The following KTN1 variants were observed in gnomAD, a reference collection of about 807,000 sequenced individuals.
KTN1 encodes the protein kinectin.
Under a neutral mutation model 222.5 loss-of-function variants are expected in KTN1, and 130 were observed. The observed-to-expected ratio is 0.58, with a 90% CI of 0.51 to 0.68. The LOEUF (loss-of-function observed/expected upper bound fraction) is 0.68, where lower values mean the gene tolerates loss of function less well. Ranked by LOEUF, KTN1 falls within the 30% of genes least tolerant of loss-of-function variation. The pLI is 0.00. For missense variants in KTN1, 1,508 were observed against 1,500.4 expected, an observed-to-expected ratio of 1.01 and a Z score of -0.08; for synonymous variants, 512 against 496.3, an observed-to-expected ratio of 1.03 and a Z score of -0.42.
chr14:55,671,261 A>G (rs2045423848), intron 35 of KTN1: 1 of 317,650 alleles, frequency 3.1e-6, no homozygotes, highest in Non-Finnish European at 5.7e-6. Context: ...CATGAATAAA[A>G]TCCTCTTTCC....
rs1351226965 is a variant in KTN1, at chr14:55,616,624, G to C, written c.631G>C (p.Ala211Pro). 2.5e-6 allele frequency: 4 copies of C among 1,597,988 alleles called. No homozygotes were observed. The Middle Eastern group carries it at 5.1e-4, about 202-fold the overall frequency. Residue 211 changes from alanine to proline, a missense_variant, in exon 3 of 44, where the codon GCT becomes CCT. Ala to Pro is a conservative substitution (Grantham distance 27). Coordinates refer to ENST00000395314, the MANE Select transcript of KTN1 (RefSeq NM_001079521.2). Reference protein sequence around the residue: ...KQESGSGKKKASSKKQKTENV... With the variant: ...KQESGSGKKKPSSKKQKTENV... ...AGAAAGTGGATCAGGGAAGAAGAAAGCTTCATCAAAGAAACAAAAGACAGA... is the reference window on the plus strand; with the variant it reads ...AGAAAGTGGATCAGGGAAGAAGAAACCTTCATCAAAGAAACAAAAGACAGA...
In KTN1 at chr14:55,672,941, C is replaced by A; in HGVS notation, c.3616C>A (p.Arg1206=). Residue 1206 remains arginine, a synonymous_variant, in exon 39 of 44, where the codon CGA becomes AGA. Coordinates refer to ENST00000395314, the MANE Select transcript of KTN1 (RefSeq NM_001079521.2). ...GTTGCATTGCTAGCTGAGAAGAGAA[C>A]GAGAACATTTGGAAATGGAACTAGA... ...NKDIENLRRE[R]EHLEMELEKA... is the part of the protein sequence containing the mutation. 5 of 1,612,622 alleles carry A rather than the reference C, an allele frequency of 3.1e-6. No homozygotes were observed. The highest frequency in any genetic ancestry group is 4.2e-6 in the Non-Finnish European group (5 of 1,178,926).
intron 43 of KTN1, chr14:55,682,414 TTA>T (rs917652145): frequency 1.1e-4 from 17 of 152,168 alleles, no homozygotes; most frequent in Non-Finnish European, 2.4e-4. Context: ...TATCTACTCT[TTA>T]TGTTTCACAT....
At chr14:55,607,278 G>T (rs1015485095) in intron 1 of KTN1, 2 of 152,112 alleles carry the variant, frequency 1.3e-5, no homozygotes, top group Non-Finnish European at 2.9e-5. Flanking sequence ...ATTAGTATTT[G>T]TAATACGTAC....
chr14:55,582,726 C>T (rs1044399874), intron 1 of KTN1, among the ~76,000 whole-genome samples: 4 of 152,038 alleles, frequency 2.6e-5, no homozygotes, highest in Non-Finnish European at 4.4e-5. Context: ...TGTTAATGAA[C>T]TTAAGTGGTT....
chr14:55,589,069 A>G (rs930913653), intron 1 of KTN1, among the ~76,000 whole-genome samples: 2 of 152,216 alleles, frequency 1.3e-5, no homozygotes, highest in African/African-American at 4.8e-5. Context: ...GGAATTATAC[A>G]TAAAATACAG....
intron 29 of KTN1, among the ~76,000 whole-genome samples, chr14:55,658,009 C>A (rs1261245758): frequency 6.6e-6 from 1 of 152,140 alleles, no homozygotes; most frequent in Non-Finnish European, 1.5e-5. Flanking sequence ...TTTCAGTAAG[C>A]TGTAACAATA....
At position 55,670,771 on chromosome 14, in the gene KTN1, G is replaced by A; in HGVS notation, c.3310G>A (p.Glu1104Lys). The change falls in exon 35 of 44, where the codon GAA (glutamate) becomes AAA (lysine). Residue 1104 changes from glutamate (E) to lysine (K), a missense_variant. Coordinates refer to ENST00000395314, the MANE Select transcript of KTN1 (RefSeq NM_001079521.2). ...GCATGGATTTGAAAAAAAGGCAAAAGAATGTATGGCTGGAACTTCAGGGTC... is the reference window on the plus strand; with the variant it reads ...GCATGGATTTGAAAAAAAGGCAAAAAAATGTATGGCTGGAACTTCAGGGTC... ...WLHGFEKKAK[E>K]CMAGTSGSEE... 1 of 1,610,522 alleles carries A rather than the reference G, an allele frequency of 6.2e-7. No homozygotes were observed. The highest frequency in any genetic ancestry group is 8.5e-7 in the Non-Finnish European group (1 of 1,177,800).
rs189207923 is a variant in KTN1, at chr14:55,637,068, G to A, written c.1550-130G>A. The A allele has an allele frequency of 3.8e-3, 2,288 of 596,632 alleles. 8 individuals carry two copies. The highest frequency in any genetic ancestry group is 5.2e-3 in the Non-Finnish European group (1,798 of 344,082). 37.0% of individuals were successfully genotyped at this position (596,632 alleles called of 1,614,324 possible). On this transcript the variant is annotated intron_variant, in intron 10 of 43. Transcript: ENST00000395314. ...GAAACGCAAGTATAGCCTGCTACAG[G>A]AGCATGCAAGAATGGAAGCAGGAGA...
At chr14:55,585,234 G>T (rs2032728319) in intron 1 of KTN1, among the ~76,000 whole-genome samples, 1 of 152,000 alleles carries the variant, frequency 6.6e-6, no homozygotes, top group African/African-American at 2.4e-5. Flanking sequence ...CTCTTTCAGG[G>T]ATGGTCAGAG....
At chr14:55,598,763 CTT>C (rs1174094772) in intron 1 of KTN1, among the ~76,000 whole-genome samples, 1 of 152,162 alleles carries the variant, frequency 6.6e-6, no homozygotes, top group Non-Finnish European at 1.5e-5. Flanking sequence ...TTTCGGTACT[CTT>C]TTCTGTATTG....
In KTN1 at chr14:55,630,115, G is replaced by A. The variant is rs1182962155; in HGVS notation, c.1221+18G>A. On this transcript the variant is annotated intron_variant, in intron 7 of 43. Transcript: ENST00000395314. ...AGATGAAGGTATATTTTCATTCTTT[G>A]GAAACAAGATGAAATGGTTGCATTC... 3 of 1,606,388 alleles carry A rather than the reference G, an allele frequency of 1.9e-6. No homozygotes were observed. Among genetic ancestry groups the A allele is most frequent in the East Asian group, 2.2e-5 (1 of 44,708 alleles).
chr14:55,591,956 A>G (rs1452649521), intron 1 of KTN1, among the ~76,000 whole-genome samples: 8 of 151,854 alleles, frequency 5.3e-5, no homozygotes, highest in Admixed American at 5.2e-4. Context: ...ATGACTGTTC[A>G]TTTTTCTGTT....
chr14:55,639,999 T>G lies in KTN1; in HGVS notation c.1910T>G (p.Leu637Arg), dbSNP rs1367061083. Residue 637 changes from leucine (L) to arginine (R), a missense_variant, in exon 14 of 44, where the codon CTT becomes CGT. Transcript: ENST00000395314. ...RDRLTSKEEE[L>R]KDIQNMNFLL... The stretch of plus-strand genomic sequence containing the variant: ...CGTTTAACAAGTAAAGAAGAGGAAC[T>G]TAAGGTATAGTAATTTGTATAAATG... 6.4e-7 allele frequency: 1 copy of G among 1,573,472 alleles called. No individual in the cohort carries two copies. The highest frequency in any genetic ancestry group is 1.4e-5 in the African/African-American group (1 of 74,066).
At chr14:55,679,432 G>A (rs542171799) in intron 42 of KTN1, 133 bp from the exon 43 acceptor site, 1 of 741,280 alleles carries the variant, frequency 1.3e-6, no homozygotes, top group African/African-American at 1.8e-5. Flanking sequence ...TTTTGTTATT[G>A]TTGATTTTCA....
rs2045851209 is a variant in KTN1, at chr14:55,675,886, G to A, written c.3823G>A (p.Glu1275Lys). ...TLTKLRTEQNERQKVAGDLHK... is the reference protein window; with the variant it reads ...TLTKLRTEQNKRQKVAGDLHK... The stretch of plus-strand genomic sequence containing the variant: ...CACAAAACTTAGAACTGAACAAAAT[G>A]AAAGACAGAAGGTAGCTGGTGATTT... Residue 1275 changes from glutamate to lysine, a missense_variant, in exon 41 of 44, where the codon GAA (glutamate) becomes AAA (lysine). Transcript: ENST00000395314. The A allele has an allele frequency of 6.2e-7, 1 of 1,613,328 alleles. No individual in the cohort carries two copies. Among genetic ancestry groups the A allele is most frequent in the Non-Finnish European group, 8.5e-7 (1 of 1,179,468 alleles).
chr14:55,670,400 G>A (rs2045335454), intron 34 of KTN1, among the ~76,000 whole-genome samples: 1 of 151,974 alleles, frequency 6.6e-6, no homozygotes, highest in Non-Finnish European at 1.5e-5. Context: ...TATTTGTCCT[G>A]GTGCTAGTAA....
At chr14:55,646,710 A>G (rs935717135) in intron 18 of KTN1, among the ~76,000 whole-genome samples, 3 of 151,650 alleles carry the variant, frequency 2.0e-5, no homozygotes, top group Non-Finnish European at 4.4e-5. Context: ...TTTTCTAGTG[A>G]TTAAGATTTT....
In KTN1 at chr14:55,662,638, A is replaced by C. The variant is rs545394770; in HGVS notation, c.3090+1026A>C. Among the ~76,000 whole-genome samples, 5 of 152,352 alleles carry C rather than the reference A, an allele frequency of 3.3e-5. No individual in the cohort carries two copies. The East Asian group carries it at 9.6e-4, about 29-fold the overall frequency. ...GTAGTGTGATTGCTAAGACTTGAGC[A>C]AGGATAAAATGTTACTGAAATCTAA... is the stretch of plus-strand genomic sequence containing the variant. On this transcript the variant is annotated intron_variant, in intron 32 of 43. Transcript: ENST00000395314.
Sources: gnomAD v4.1 joint callset for allele counts (sites outside exome capture counted in the v4.1 genomes callset) on GRCh38, gnomAD v4.1.1 for gene constraint, MANE v1.5 for transcripts, NCBI Gene and HGNC (gene_info 2026-07-23, HGNC 2026-07-21) for gene names.